SSH2: variants seen among roughly 807,000 people sequenced by gnomAD.
The protein encoded by SSH2 is protein phosphatase Slingshot homolog 2.
SSH2 carries 37 observed loss-of-function variants against 135.2 expected under a neutral mutation model. The observed-to-expected ratio is 0.27, with a 90% CI of 0.21 to 0.36. The LOEUF (loss-of-function observed/expected upper bound fraction) is 0.36, where lower values mean the gene tolerates loss of function less well. Ranked by LOEUF, SSH2 falls within the 10% of genes least tolerant of loss-of-function variation. The pLI is 1.00. For synonymous variants in SSH2, 628 were observed against 646.2 expected, an observed-to-expected ratio of 0.97 and a Z score of 0.43; for missense variants, 1,408 against 1,765.3, an observed-to-expected ratio of 0.80 and a Z score of 3.63.
intron 2 of SSH2, among the ~76,000 whole-genome samples, chr17:29,816,862 C>T (rs75539351): frequency 0.014 from 2,120 of 152,178 alleles, 22 homozygotes; most frequent in Middle Eastern, 0.027. Flanking sequence ...TACTAACAGC[C>T]TTTTGCAGTT....
chr17:29,677,448 T>C (rs2151060074), intron 7 of SSH2, among the ~76,000 whole-genome samples: 1 of 152,318 alleles, frequency 6.6e-6, no homozygotes, highest in Non-Finnish European at 1.5e-5. Flanking sequence ...TTCTTCTTTG[T>C]CTTGATTCCT....
At chr17:29,723,892 C>A (rs1338790455) in intron 3 of SSH2, among the ~76,000 whole-genome samples, 1 of 152,172 alleles carries the variant, frequency 6.6e-6, no homozygotes, top group Non-Finnish European at 1.5e-5. Flanking sequence ...TCTTGAACTT[C>A]CCTTTTCTGA....
chr17:29,732,552 A>C (rs2040230865), intron 3 of SSH2, among the ~76,000 whole-genome samples: 1 of 152,232 alleles, frequency 6.6e-6, no homozygotes, highest in African/African-American at 2.4e-5. Flanking sequence ...TATAAGCAGA[A>C]CAAAAAGTGT....
chr17:29,808,271 G>C (rs1403570540), intron 2 of SSH2, among the ~76,000 whole-genome samples: 1 of 152,208 alleles, frequency 6.6e-6, no homozygotes, highest in Admixed American at 6.5e-5. Context: ...AGGGATTACA[G>C]GCGCCCGCCA....
chr17:29,728,025 AC>A (rs2040058292), intron 3 of SSH2, among the ~76,000 whole-genome samples: 1 of 152,176 alleles, frequency 6.6e-6, no homozygotes, highest in Non-Finnish European at 1.5e-5. Flanking sequence ...TACTAAAAAT[AC>A]AAAAATTAGC....
chr17:29,833,069 T>C (rs1056427030), intron 2 of SSH2, among the ~76,000 whole-genome samples: 3 of 152,244 alleles, frequency 2.0e-5, no homozygotes, highest in Admixed American at 6.5e-5. Context: ...TCTGTAGCCA[T>C]TGGAAGAAAT....
At chr17:29,686,613 C>T (rs1202237804) in intron 5 of SSH2, among the ~76,000 whole-genome samples, 1 of 151,624 alleles carries the variant, frequency 6.6e-6, no homozygotes, top group African/African-American at 2.4e-5. Flanking sequence ...AGGCAATCCA[C>T]CTGTCTTGGC....
chr17:29,906,198 T>C (rs1174150452), intron 1 of SSH2, among the ~76,000 whole-genome samples: 1 of 152,110 alleles, frequency 6.6e-6, no homozygotes, highest in African/African-American at 2.4e-5. Context: ...TTTCCAAAAA[T>C]TGACACCCAA....
chr17:29,664,030 T>C (rs1342684766), intron 11 of SSH2, among the ~76,000 whole-genome samples: 1 of 152,212 alleles, frequency 6.6e-6, no homozygotes, highest in African/African-American at 2.4e-5. Flanking sequence ...ATAAAGACAA[T>C]GTATCATATC....
chr17:29,790,150 T>C (rs904499967), intron 3 of SSH2, among the ~76,000 whole-genome samples: 1 of 152,156 alleles, frequency 6.6e-6, no homozygotes, highest in East Asian at 1.9e-4. Context: ...GGGCAAAATA[T>C]TATGGACTTA....
At chr17:29,705,209 T>A (rs1328186314) in intron 3 of SSH2, among the ~76,000 whole-genome samples, 2 of 152,192 alleles carry the variant, frequency 1.3e-5, no homozygotes, top group African/African-American at 2.4e-5. Context: ...TGCCCACTTA[T>A]CCCTATCACC....
chr17:29,833,236 A>G (rs1273431670), intron 2 of SSH2, among the ~76,000 whole-genome samples: 1 of 152,152 alleles, frequency 6.6e-6, no homozygotes, highest in African/African-American at 2.4e-5. Flanking sequence ...CTTTCACTCT[A>G]ATAATATTTG....
intron 2 of SSH2, among the ~76,000 whole-genome samples, chr17:29,808,344 G>C (rs2042383884): frequency 6.6e-6 from 1 of 152,188 alleles, no homozygotes; most frequent in Non-Finnish European, 1.5e-5. Context: ...GGCCAGGCTG[G>C]TCTCGAACTC....
At chr17:29,850,932 C>G (rs940642323) in intron 1 of SSH2, among the ~76,000 whole-genome samples, 7 of 152,106 alleles carry the variant, frequency 4.6e-5, no homozygotes, top group African/African-American at 1.4e-4. Context: ...TTGCAGTGAG[C>G]CGAGATCGCG....
chr17:29,751,638 G>T (rs1308744476), intron 3 of SSH2, among the ~76,000 whole-genome samples: 1 of 152,164 alleles, frequency 6.6e-6, no homozygotes, highest in Non-Finnish European at 1.5e-5. Flanking sequence ...CATTATGACA[G>T]CTATAGTCAC....
chr17:29,804,605 G>C (rs1454593065), intron 2 of SSH2, among the ~76,000 whole-genome samples: 1 of 152,134 alleles, frequency 6.6e-6, no homozygotes, highest in Non-Finnish European at 1.5e-5. Context: ...TAATTTCAGA[G>C]TTGTTATACA....
intron 2 of SSH2, among the ~76,000 whole-genome samples, chr17:29,833,872 TTCCCTCCCTCCCTCTC>T (rs1267719597): frequency 2.3e-5 from 1 of 42,900 alleles, no homozygotes; most frequent in Non-Finnish European, 4.7e-5. Context: ...CCCTTTCTCC[TTCCCTCCCTCCCTCTC>T]TCCCTCCCTT....
chr17:29,685,483 T>C (rs1462329268), intron 5 of SSH2, among the ~76,000 whole-genome samples: 1 of 152,008 alleles, frequency 6.6e-6, no homozygotes, highest in Non-Finnish European at 1.5e-5. Flanking sequence ...AAAAGGTTGA[T>C]GGTTATTAAA....
At chr17:29,729,780 C>A (rs1483190121) in intron 3 of SSH2, among the ~76,000 whole-genome samples, 3 of 151,884 alleles carry the variant, frequency 2.0e-5, no homozygotes, top group African/African-American at 4.8e-5. Flanking sequence ...ATAAGCCAGG[C>A]ACAGAAAGAC....
Sources: allele counts gnomAD v4.1 joint callset (sites outside exome capture counted in the v4.1 genomes callset), GRCh38; gene constraint gnomAD v4.1.1; transcripts MANE v1.5; gene names NCBI Gene and HGNC (gene_info 2026-07-23, HGNC 2026-07-21).